The following ERAP1 variants were observed in gnomAD, a reference collection of about 807,000 sequenced individuals.
ERAP1 encodes the protein adipocyte-derived leucine aminopeptidase.
Under a neutral mutation model 103.7 loss-of-function variants are expected in ERAP1, and 86 were observed. The ratio of observed to expected loss-of-function variants is 0.83; its 90% CI spans 0.70 to 0.99. ERAP1 has a LOEUF of 0.99. Ranked by LOEUF, ERAP1 falls within the 50% of genes least tolerant of loss-of-function variation. ERAP1 has a pLI of 0.00. For synonymous variants in ERAP1, 398 were observed against 402.4 expected, an observed-to-expected ratio of 0.99 and a Z score of 0.13; for missense variants, 1,009 against 1,128.4, an observed-to-expected ratio of 0.89 and a Z score of 1.52.
At chr5:96,920,607 T>A in the ERAP1 span, among the ~76,000 whole-genome samples, 1 of 152,248 alleles carries the variant, frequency 6.6e-6, no homozygotes, top group Non-Finnish European at 1.5e-5. Flanking sequence ...ATAAGCCTGC[T>A]CAAAATGGCC....
At chr5:96,904,457 C>G in the ERAP1 span, among the ~76,000 whole-genome samples, 1 of 152,148 alleles carries the variant, frequency 6.6e-6, no homozygotes, top group African/African-American at 2.4e-5. Flanking sequence ...GACAAAGTTT[C>G]TCGGTACACT....
At position 96,798,871 on chromosome 5, in the gene ERAP1, C is replaced by CTTTTTTTTTTTTTTT. The variant is rs10646647; in HGVS notation, c.664-1563_664-1562insAAAAAAAAAAAAAAA. ...TCTGCCTACCTACAACAAAAATTTC[C>CTTTTTTTTTTTTTTT]TTTTTTTTTTTTTTGAGATGGAGTC... On this transcript the variant is annotated intron_variant, in intron 3 of 18. Coordinates refer to ENST00000443439, the MANE Select transcript of ERAP1 (RefSeq NM_001040458.3). Among the ~76,000 whole-genome samples, 2 of 124,878 alleles carry CTTTTTTTTTTTTTTT rather than the reference C, an allele frequency of 1.6e-5. 1 individual carries two copies. Among genetic ancestry groups the CTTTTTTTTTTTTTTT allele is most frequent in the African/African-American group, 6.0e-5 (2 of 33,348 alleles). The allele number at this position is 124,878 out of a possible 152,430, so 81.9% of individuals were successfully genotyped here. A position where few individuals can be genotyped will look rare whatever the true frequency, so the allele number is the denominator to read the frequency against.
chr5:96,820,959 AGG>A, the ERAP1 span, among the ~76,000 whole-genome samples: 5,059 of 28,936 alleles, frequency 0.17, 188 homozygotes, highest in African/African-American at 0.28. Flanking sequence ...AAAGAAGAAG[AGG>A]AAGAAGAGGA....
the ERAP1 span, chr5:96,913,309 T>G: frequency 1.2e-6 from 2 of 1,611,938 alleles, no homozygotes; most frequent in Non-Finnish European, 1.7e-6. Context: ...TTATTTTTCT[T>G]TCTTCAGGTT....
chr5:96,775,171 C>T lies in ERAP1; in HGVS notation c.*1225G>A. 1.0e-6 allele frequency: 1 copy of T among 984,508 alleles called. No individual in the cohort carries two copies. The allele number at this position is 984,508 out of a possible 1,614,324, so 61.0% of individuals were successfully genotyped here. On this transcript the variant is annotated 3_prime_UTR_variant, in exon 19 of 19. Coordinates refer to ENST00000443439, the MANE Select transcript of ERAP1 (RefSeq NM_001040458.3). The stretch of plus-strand genomic sequence containing the variant: ...CTTGACTTGAACTCCGTTGGTTTAC[C>T]ATGTTAGTAAACTGTGCTTTCTATT...
chr5:96,797,042 G>T, intron 4 of ERAP1, 133 bp downstream of exon 4: 3 of 1,013,004 alleles, frequency 3.0e-6, no homozygotes, highest in Non-Finnish European at 4.5e-6. Flanking sequence ...TTCCACCTCA[G>T]CCTCCCAAAC....
At chr5:96,826,946 A>C in the ERAP1 span, among the ~76,000 whole-genome samples, 2 of 152,236 alleles carry the variant, frequency 1.3e-5, no homozygotes, top group Non-Finnish European at 2.9e-5. Flanking sequence ...TAGTGCAAGG[A>C]ATAGCTATAA....
chr5:96,773,077 TA>T (rs1773040768), downstream of ERAP1: 1 of 153,888 alleles, frequency 6.5e-6, no homozygotes, highest in Admixed American at 6.5e-5. Flanking sequence ...GATTTCTTAT[TA>T]CCCCCTTTCC....
intron 19 of ERAP1, chr5:96,765,476 C>G (rs1769586214): frequency 1.7e-6 from 1 of 581,928 alleles, no homozygotes; most frequent in Non-Finnish European, 3.0e-6. Context: ...TCAATCTGTA[C>G]TCCACTGGAG....
the ERAP1 span, among the ~76,000 whole-genome samples, chr5:96,929,653 C>T: frequency 6.6e-6 from 1 of 152,106 alleles, no homozygotes; most frequent in Non-Finnish European, 1.5e-5. Flanking sequence ...TACAGGCATG[C>T]TTGGCATATG....
intron 3 of ERAP1, 93 bp downstream of exon 3, chr5:96,800,769 C>G: frequency 1.5e-6 from 2 of 1,366,290 alleles, no homozygotes; most frequent in Non-Finnish European, 2.1e-6. Flanking sequence ...TAAAACAAAA[C>G]AGGTGACCCA....
intron 19 of ERAP1, among the ~76,000 whole-genome samples, chr5:96,763,663 A>G (rs1402770213): frequency 6.6e-6 from 1 of 152,212 alleles, no homozygotes; most frequent in East Asian, 1.9e-4. Context: ...TATTTAGATA[A>G]AAATATTAGG....
intron 19 of ERAP1, among the ~76,000 whole-genome samples, chr5:96,765,775 T>A (rs1769715131): frequency 6.6e-6 from 1 of 152,004 alleles, no homozygotes; most frequent in Non-Finnish European, 1.5e-5. Context: ...CCTAACATGG[T>A]TTCTGAAGAT....
At chr5:96,906,197 T>TTCC in the ERAP1 span, among the ~76,000 whole-genome samples, 1 of 151,798 alleles carries the variant, frequency 6.6e-6, no homozygotes. Flanking sequence ...TTTTTTTTTC[T>TTCC]TCCTCCCCCT....
chr5:96,836,572 A>G, the ERAP1 span, among the ~76,000 whole-genome samples: 1 of 152,242 alleles, frequency 6.6e-6, no homozygotes, highest in South Asian at 2.1e-4. Context: ...TTTTGATGAT[A>G]GGTCACTATG....
the ERAP1 span, among the ~76,000 whole-genome samples, chr5:96,925,368 G>A: frequency 9.2e-3 from 1,400 of 152,266 alleles, 22 homozygotes; most frequent in African/African-American, 0.032. Context: ...GGTAGGAAGT[G>A]GCAGAGGCAG....
At chr5:96,895,163 AGT>A in the ERAP1 span, 1 of 776,076 alleles carries the variant, frequency 1.3e-6, no homozygotes, top group African/African-American at 2.0e-5. Flanking sequence ...ATAAAAAAAA[AGT>A]TAGTAACTAT....
chr5:96,849,334 G>A, the ERAP1 span, among the ~76,000 whole-genome samples: 1 of 152,118 alleles, frequency 6.6e-6, no homozygotes, highest in African/African-American at 2.4e-5. Flanking sequence ...GAAGTAGTCT[G>A]TTTGCTGATG....
the ERAP1 span, chr5:96,881,472 A>T: frequency 2.2e-6 from 1 of 456,124 alleles, no homozygotes; most frequent in African/African-American, 2.0e-5. Flanking sequence ...GCCAGGATCC[A>T]TCTGGGAGGT....
Sources: allele counts gnomAD v4.1 joint callset (sites outside exome capture counted in the v4.1 genomes callset), GRCh38; gene constraint gnomAD v4.1.1; transcripts MANE v1.5; gene names NCBI Gene and HGNC (gene_info 2026-07-23, HGNC 2026-07-21).